The following GLI3 variants were observed in gnomAD, a reference collection of about 807,000 sequenced individuals.
GLI3 encodes transcription activator GLI3.
GLI3 carries 20 observed loss-of-function variants against 100.8 expected under a neutral mutation model. That is an observed-to-expected ratio of 0.20 (90% CI 0.14 to 0.29). GLI3 has a LOEUF of 0.29. Among genes scored for constraint, GLI3 ranks in the 10% least tolerant of loss-of-function variants. The pLI is 1.00. For synonymous variants in GLI3, 938 were observed against 860.5 expected, an observed-to-expected ratio of 1.09 and a Z score of -1.58; for missense variants, 2,040 against 2,128.5, an observed-to-expected ratio of 0.96 and a Z score of 0.82.
chr7:42,237,365 A>T (rs1788830692), upstream of GLI3, among the ~76,000 whole-genome samples: 1 of 151,996 alleles, frequency 6.6e-6, no homozygotes, highest in South Asian at 2.1e-4. Context: ...GGAAAGAGAA[A>T]GAAAGAAACC....
intron 13 of GLI3, among the ~76,000 whole-genome samples, chr7:41,968,743 A>AGAAAGAAAGAAGGAAG (rs1787277472): frequency 3.9e-5 from 5 of 129,734 alleles, no homozygotes; most frequent in African/African-American, 7.2e-5. Context: ...AAAGAAAGAA[A>AGAAAGAAAGAAGGAAG]GAAAGAAAGA....
chr7:42,066,400 C>A (rs1784675491), intron 4 of GLI3, among the ~76,000 whole-genome samples: 1 of 152,180 alleles, frequency 6.6e-6, no homozygotes, highest in African/African-American at 2.4e-5. Context: ...AACACAGAAA[C>A]CACCACCAAT....
intron 2 of GLI3, chr7:42,172,831 C>T (rs189399220): frequency 3.4e-4 from 193 of 560,274 alleles, no homozygotes; most frequent in African/African-American, 3.2e-3. Context: ...TCACCTTCTA[C>T]CTAATATCAC....
At chr7:42,043,274 C>T (rs542788545) in intron 6 of GLI3, among the ~76,000 whole-genome samples, 101 of 152,294 alleles carry the variant, frequency 6.6e-4, no homozygotes, top group African/African-American at 2.3e-3. Context: ...ACTTCAATTA[C>T]TTTAGAGGAA....
At chr7:42,142,318 G>A (rs748061248) in intron 3 of GLI3, among the ~76,000 whole-genome samples, 15 of 152,248 alleles carry the variant, frequency 9.9e-5, no homozygotes, top group Admixed American at 3.3e-4. Flanking sequence ...GAGCTGAGTC[G>A]TTGTAGAAGA....
intron 3 of GLI3, among the ~76,000 whole-genome samples, chr7:42,110,951 C>T (rs1008738026): frequency 6.6e-5 from 10 of 152,230 alleles, no homozygotes; most frequent in South Asian, 2.1e-4. Flanking sequence ...CAGAACAGCA[C>T]GAGCTTTGGA....
chr7:42,256,077 A>G (rs1789081791), intron 1 of GLI3, among the ~76,000 whole-genome samples: 1 of 151,834 alleles, frequency 6.6e-6, no homozygotes, highest in African/African-American at 2.4e-5. Context: ...GCATCTTTTT[A>G]TGTGTTCATT....
chr7:42,118,802 A>G (rs1436177135), intron 3 of GLI3, among the ~76,000 whole-genome samples: 1 of 152,226 alleles, frequency 6.6e-6, no homozygotes, highest in Non-Finnish European at 1.5e-5. Flanking sequence ...ACAGGCTGTC[A>G]CCACTGTTTA....
intron 1 of GLI3, among the ~76,000 whole-genome samples, chr7:42,230,380 T>C (rs1191362734): frequency 6.6e-6 from 1 of 152,144 alleles, no homozygotes; most frequent in African/African-American, 2.4e-5. Flanking sequence ...ATGACAGACA[T>C]ACCCAAATGG....
chr7:42,205,649 C>T (rs1788133780), intron 2 of GLI3, among the ~76,000 whole-genome samples: 1 of 152,182 alleles, frequency 6.6e-6, no homozygotes, highest in Non-Finnish European at 1.5e-5. Context: ...ACTTTCAGTT[C>T]AAGACAGATG....
intron 2 of GLI3, among the ~76,000 whole-genome samples, chr7:42,221,304 T>A (rs1189361131): frequency 6.6e-6 from 1 of 152,148 alleles, no homozygotes; most frequent in Admixed American, 6.5e-5. Flanking sequence ...AACAACAGCA[T>A]CTTCATAAGA....
chr7:42,020,889 CAAAAAA>C (rs371389453), intron 10 of GLI3, among the ~76,000 whole-genome samples: 6 of 113,120 alleles, frequency 5.3e-5, no homozygotes, highest in African/African-American at 2.1e-4. Context: ...GACTCCGTCT[CAAAAAA>C]AAAAAAAAAA....
intron 3 of GLI3, among the ~76,000 whole-genome samples, chr7:42,083,689 TTTA>T (rs1195081378): frequency 1.3e-5 from 2 of 152,220 alleles, no homozygotes; most frequent in African/African-American, 4.8e-5. Context: ...ATATCAATTT[TTTA>T]TTTATTGTGT....
intron 4 of GLI3, among the ~76,000 whole-genome samples, chr7:42,064,964 C>G (rs1784645159): frequency 6.6e-6 from 1 of 151,980 alleles, no homozygotes; most frequent in South Asian, 2.1e-4. Context: ...CCCCAAGAAG[C>G]CTCGTTCAAG....
intron 10 of GLI3, among the ~76,000 whole-genome samples, chr7:41,995,376 G>T (rs1384471421): frequency 1.3e-5 from 2 of 152,072 alleles, no homozygotes; most frequent in Non-Finnish European, 2.9e-5. Context: ...TGCACACACT[G>T]GGCTTTGGCT....
At chr7:42,105,817 G>A (rs1215049025) in intron 3 of GLI3, among the ~76,000 whole-genome samples, 1 of 151,968 alleles carries the variant, frequency 6.6e-6, no homozygotes, top group Non-Finnish European at 1.5e-5. Flanking sequence ...CAAGCAAAGA[G>A]GCAGCTCTGT....
At chr7:42,000,753 G>A (rs1788264394) in intron 10 of GLI3, among the ~76,000 whole-genome samples, 1 of 152,186 alleles carries the variant, frequency 6.6e-6, no homozygotes, top group African/African-American at 2.4e-5. Flanking sequence ...AGTGGAGGCA[G>A]CAAGGAGCTG....
At chr7:42,007,630 A>G (rs952174341) in intron 10 of GLI3, among the ~76,000 whole-genome samples, 2 of 152,222 alleles carry the variant, frequency 1.3e-5, no homozygotes, top group East Asian at 3.8e-4. Context: ...AAAAGCACTC[A>G]CAGCACAAGA....
intron 3 of GLI3, among the ~76,000 whole-genome samples, chr7:42,077,537 C>T (rs1322493277): frequency 6.6e-6 from 1 of 151,994 alleles, no homozygotes; most frequent in Non-Finnish European, 1.5e-5. Flanking sequence ...CATCTAGAGC[C>T]AAACTCAGGG....
Sources: gnomAD v4.1 joint callset for allele counts (sites outside exome capture counted in the v4.1 genomes callset) on GRCh38, gnomAD v4.1.1 for gene constraint, MANE v1.5 for transcripts, NCBI Gene and HGNC (gene_info 2026-07-23, HGNC 2026-07-21) for gene names.